Variants in MMRN1 observed in about 807,000 individuals in gnomAD.
MMRN1 encodes multimerin-1.
A neutral mutation model predicts 100.7 loss-of-function variants in MMRN1; 94 were observed. The ratio of observed to expected loss-of-function variants is 0.93; its 90% CI spans 0.79 to 1.11. The LOEUF is 1.11. MMRN1 is among the 50% of genes least tolerant of loss of function. MMRN1 has a pLI of 0.00. For synonymous variants in MMRN1, 575 were observed against 505.0 expected, an observed-to-expected ratio of 1.14 and a Z score of -1.86; for missense variants, 1,606 against 1,439.1, an observed-to-expected ratio of 1.12 and a Z score of -1.88.
intron 3 of MMRN1, among the ~76,000 whole-genome samples, chr4:89,913,113 C>T (rs1453939380): frequency 2.0e-5 from 3 of 150,808 alleles, no homozygotes; most frequent in Non-Finnish European, 4.5e-5. Context: ...TTAAAAAGAC[C>T]CAAATATGGC....
At chr4:89,921,036 T>G (rs896101355) in intron 3 of MMRN1, among the ~76,000 whole-genome samples, 1 of 152,148 alleles carries the variant, frequency 6.6e-6, no homozygotes, top group Non-Finnish European at 1.5e-5. Flanking sequence ...GAAATTCGAA[T>G]AGTAATCTTG....
At chr4:89,891,102 C>CAAAAT (rs1366004235), upstream of MMRN1, among the ~76,000 whole-genome samples, 1 of 151,906 alleles carries the variant, frequency 6.6e-6, no homozygotes, top group Non-Finnish European at 1.5e-5. Flanking sequence ...GTGACGGCTT[C>CAAAAT]AAAATAAACC....
In MMRN1 at chr4:89,936,497, A is replaced by C. The variant is rs777452617; in HGVS notation, c.2817A>C (p.Ser939=). The C allele has an allele frequency of 6.2e-7, 1 of 1,613,290 alleles. No individual in the cohort carries two copies. Among genetic ancestry groups the C allele is most frequent in the African/African-American group, 1.3e-5 (1 of 75,040 alleles). The change falls in exon 6 of 8, where the codon TCA becomes TCC. Residue 939 remains serine, a synonymous_variant. Transcript: ENST00000264790. ...TMCHNASTSV[S]ELNATIPKWI... Reference sequence around the variant, plus strand: ...GTCACAATGCTTCTACAAGTGTGTCAGAACTGAATGCTACCATCCCTAAGT... The same window carrying C: ...GTCACAATGCTTCTACAAGTGTGTCCGAACTGAATGCTACCATCCCTAAGT...
rs531174415 is a variant in MMRN1 at position 89,935,066 on chromosome 4, C to T, written c.1386C>T (p.His462=). 1 of 1,613,682 alleles carries T rather than the reference C, an allele frequency of 6.2e-7. No individual in the cohort carries two copies. Among genetic ancestry groups the T allele is most frequent in the East Asian group, 2.2e-5 (1 of 44,818 alleles). The part of the protein sequence containing the change: ...TLTDIVELRN[H]IVNVRQEMTL... ...CTGATATAGTGGAACTAAGGAATCA[C>T]ATTGTGAATGTAAGGCAAGAAATGA... The change falls in exon 6 of 8, where the codon CAC becomes CAT. Residue 462 remains histidine (H), a synonymous_variant. Transcript: ENST00000264790.
intron 4 of MMRN1, among the ~76,000 whole-genome samples, chr4:89,925,166 C>T (rs1048678583): frequency 1.5e-4 from 23 of 151,436 alleles, no homozygotes; most frequent in African/African-American, 4.8e-4. Flanking sequence ...TTTTTAGAGA[C>T]AGGGTCTGCA....
At chr4:89,896,215 T>C (rs974432634) in intron 1 of MMRN1, among the ~76,000 whole-genome samples, 2 of 152,118 alleles carry the variant, frequency 1.3e-5, no homozygotes, top group African/African-American at 2.4e-5. Flanking sequence ...TAAAAATGAA[T>C]GAAAAGTGCT....
In MMRN1 at chr4:89,936,677, G is replaced by A. The variant is rs1439125266; in HGVS notation, c.2997G>A (p.Lys999=). ...SLPGSLANVV[K]SQKQVKSLPK... ...CTGGTAGTCTGGCAAATGTTGTCAAGTCTCAGAAGCAAGTAAAATCATTGC... is the reference window on the plus strand; with the variant it reads ...CTGGTAGTCTGGCAAATGTTGTCAAATCTCAGAAGCAAGTAAAATCATTGC... Residue 999 remains lysine, a synonymous_variant, in exon 6 of 8, where the codon AAG becomes AAA. Coordinates refer to ENST00000264790, the MANE Select transcript of MMRN1 (RefSeq NM_007351.3). 2 of 1,613,382 alleles carry A rather than the reference G, an allele frequency of 1.2e-6. No homozygotes were observed. Among genetic ancestry groups the A allele is most frequent in the East Asian group, 2.2e-5 (1 of 44,848 alleles).
chr4:89,934,945 G>A lies in MMRN1; in HGVS notation c.1265G>A (p.Ser422Asn), dbSNP rs1261243234. The change falls in exon 6 of 8, where the codon AGC becomes AAC. Residue 422 changes from serine (S) to asparagine (N), a missense_variant. Ser to Asn is a conservative substitution (Grantham distance 46). Transcript: ENST00000264790. The part of the protein sequence containing the change: ...TVSSLSEDLE[S>N]TRQIIQKVNE... ...TCAAGTCTATCAGAGGACCTCGAAAGCACCAGGCAAATAATTCAAAAAGTT... is the reference window on the plus strand; with the variant it reads ...TCAAGTCTATCAGAGGACCTCGAAAACACCAGGCAAATAATTCAAAAAGTT... 6.2e-7 allele frequency: 1 copy of A among 1,613,580 alleles called. No individual in the cohort carries two copies. Among genetic ancestry groups the A allele is most frequent in the African/African-American group, 1.3e-5 (1 of 74,874 alleles).
At chr4:89,896,319 G>T (rs1220886376) in intron 1 of MMRN1, among the ~76,000 whole-genome samples, 1 of 152,060 alleles carries the variant, frequency 6.6e-6, no homozygotes, top group Non-Finnish European at 1.5e-5. Context: ...TGAATATGAT[G>T]AATCAGAAAA....
At chr4:89,891,681 A>T (rs1721058164), upstream of MMRN1, among the ~76,000 whole-genome samples, 1 of 152,038 alleles carries the variant, frequency 6.6e-6, no homozygotes. Context: ...ACAGGTTTTC[A>T]ATATTTTTCA....
chr4:89,911,406 T>G (rs1448521002), intron 2 of MMRN1, among the ~76,000 whole-genome samples: 1 of 151,378 alleles, frequency 6.6e-6, no homozygotes, highest in Non-Finnish European at 1.5e-5. Context: ...AAATACTATA[T>G]GACAAAAATA....
intron 6 of MMRN1, among the ~76,000 whole-genome samples, chr4:89,948,536 G>A (rs956592162): frequency 6.6e-6 from 1 of 152,160 alleles, no homozygotes; most frequent in Admixed American, 6.5e-5. Context: ...GACCTGTTAT[G>A]AGACAGTGTG....
chr4:89,894,800 A>C (rs1349910113), upstream of MMRN1: 11 of 1,216,248 alleles, frequency 9.0e-6, no homozygotes, highest in East Asian at 2.6e-4. Context: ...CTACAGAAAC[A>C]GGAAACCGAA....
Position 89,895,053 on chromosome 4 carries a change from A to G in MMRN1, c.82A>G (p.Thr28Ala), listed in dbSNP as rs759545607. 6.2e-7 allele frequency: 1 copy of G among 1,613,900 alleles called. No homozygotes were observed. Among genetic ancestry groups the G allele is most frequent in the Middle Eastern group, 1.7e-4 (1 of 6,056 alleles). Reference sequence around the variant, plus strand: ...GCTTAACAACAGTAAGCATTCTTGGACTATACCTGAGGATGGGAACTCTCA... The same window carrying G: ...GCTTAACAACAGTAAGCATTCTTGGGCTATACCTGAGGATGGGAACTCTCA... ...IGLNNSKHSW[T>A]IPEDGNSQKT... Residue 28 changes from threonine to alanine, a missense_variant, in exon 1 of 8, where the codon ACT (threonine) becomes GCT (alanine). Physicochemically the swap from Thr to Ala is moderately conservative, Grantham distance 58. Coordinates refer to ENST00000264790, the MANE Select transcript of MMRN1 (RefSeq NM_007351.3).
intron 1 of MMRN1, 138 bp from the exon 2 acceptor site, chr4:89,909,138 T>C (rs1489812760): frequency 1.2e-6 from 1 of 804,710 alleles, no homozygotes; most frequent in East Asian, 2.8e-5. Flanking sequence ...TTTAAATATT[T>C]TAAAGCTAAA....
Position 89,953,183 on chromosome 4 carries a change from T to A in MMRN1, c.3452T>A (p.Ile1151Asn), listed in dbSNP as rs138433713. Reference protein sequence around the residue: ...YLGVYVFKYTIESFSAHISGF... With the variant: ...YLGVYVFKYTNESFSAHISGF... ...GGAGTATATGTTTTCAAGTACACCA[T>A]CGAGTCATTTAGTGCTCATATTTCT... The change falls in exon 8 of 8, where the codon ATC becomes AAC. Residue 1151 changes from isoleucine (I) to asparagine (N), a missense_variant. Transcript: ENST00000264790. 197 of 1,613,764 alleles carry A rather than the reference T, an allele frequency of 1.2e-4. No homozygotes were observed. The highest frequency in any genetic ancestry group is 1.6e-4 in the Non-Finnish European group (192 of 1,179,866).
At chr4:89,892,606 A>G, upstream of MMRN1, among the ~76,000 whole-genome samples, 1 of 151,924 alleles carries the variant, frequency 6.6e-6, no homozygotes, top group East Asian at 1.9e-4. Context: ...CTGGGGAGTT[A>G]AAGTGCAAGA....
chr4:89,898,368 T>TAACA (rs1721276242), intron 1 of MMRN1, among the ~76,000 whole-genome samples: 1 of 152,060 alleles, frequency 6.6e-6, no homozygotes, highest in African/African-American at 2.4e-5. Context: ...GTCACTTGGC[T>TAACA]AACAAAGCTC....
At position 89,954,056 on chromosome 4, in the gene MMRN1, A is replaced by G. The variant is rs1723268882; in HGVS notation, c.*638A>G. 1 of 152,216 alleles carries G rather than the reference A, an allele frequency of 6.6e-6. No individual in the cohort carries two copies. The highest frequency in any genetic ancestry group is 1.5e-5 in the Non-Finnish European group (1 of 68,094). 9.4% of individuals were successfully genotyped at this position (152,216 alleles called of 1,614,324 possible). A position where few individuals can be genotyped will look rare whatever the true frequency, so the allele number is the denominator to read the frequency against. ...TAGTTGGACATGTACACTCAAGTCT[A>G]AGAATATATGAGTGGATCATTTACC... On this transcript the variant is annotated 3_prime_UTR_variant, in exon 8 of 8. Coordinates refer to ENST00000264790, the MANE Select transcript of MMRN1 (RefSeq NM_007351.3).
Sources: allele counts gnomAD v4.1 joint callset (sites outside exome capture counted in the v4.1 genomes callset), GRCh38; gene constraint gnomAD v4.1.1; transcripts MANE v1.5; gene names NCBI Gene and HGNC (gene_info 2026-07-23, HGNC 2026-07-21).